LCLAT1: variants seen among roughly 807,000 people sequenced by gnomAD.
LCLAT1 encodes 1-AGP acyltransferase 8.
In LCLAT1, 11 loss-of-function variants were observed where a neutral mutation model predicts 30.7. The ratio of observed to expected loss-of-function variants is 0.36; its 90% CI spans 0.23 to 0.59. The LOEUF is 0.59. Ranked by LOEUF, LCLAT1 falls within the 20% of genes least tolerant of loss-of-function variation. The pLI is 0.77. For synonymous variants in LCLAT1, 155 were observed against 151.3 expected, an observed-to-expected ratio of 1.02 and a Z score of -0.18; for missense variants, 402 against 458.6, an observed-to-expected ratio of 0.88 and a Z score of 1.13.
chr2:30,638,552 A>G (rs751339227), intron 5 of LCLAT1, among the ~76,000 whole-genome samples: 25 of 152,232 alleles, frequency 1.6e-4, no homozygotes, highest in Non-Finnish European at 2.4e-4. Flanking sequence ...TGAAGGTAAC[A>G]TGGTTCAGGA....
chr2:30,630,809 GA>G (rs1274380656), intron 5 of LCLAT1, among the ~76,000 whole-genome samples: 1 of 152,164 alleles, frequency 6.6e-6, no homozygotes, highest in African/African-American at 2.4e-5. Flanking sequence ...AATGTACTTT[GA>G]AATAAAGTAT....
intron 3 of LCLAT1, among the ~76,000 whole-genome samples, chr2:30,541,457 C>G (rs563795161): frequency 6.6e-6 from 1 of 152,026 alleles, no homozygotes; most frequent in African/African-American, 2.4e-5. Flanking sequence ...GTTTATCCCC[C>G]CAAATAGCTA....
chr2:30,589,846 C>T (rs771037613), intron 5 of LCLAT1, among the ~76,000 whole-genome samples: 2 of 152,186 alleles, frequency 1.3e-5, no homozygotes, highest in Non-Finnish European at 2.9e-5. Flanking sequence ...GCTGCTCCTA[C>T]TCATGTCTTT....
chr2:30,563,874 G>A (rs1665353421), intron 4 of LCLAT1, among the ~76,000 whole-genome samples: 1 of 152,184 alleles, frequency 6.6e-6, no homozygotes, highest in Admixed American at 6.5e-5. Flanking sequence ...TTTACTATAG[G>A]TAGCAATGAA....
rs1397585213 is a variant in LCLAT1 at position 30,508,631 on chromosome 2, A to G, written c.-4-16956A>G. Among the ~76,000 whole-genome samples the G allele has an allele frequency of 2.6e-5, 4 of 152,112 alleles. No individual in the cohort carries two copies. In the East Asian group the frequency reaches 7.7e-4, roughly 29 times the overall value. ...TCTATGTGTCTGTTTTTGTACCAGTACCATGCTGTTTTGGTTACTGTAGCC... is the reference window on the plus strand; with the variant it reads ...TCTATGTGTCTGTTTTTGTACCAGTGCCATGCTGTTTTGGTTACTGTAGCC... On this transcript the variant is annotated intron_variant, in intron 1 of 5. Transcript: ENST00000379509.
intron 5 of LCLAT1, among the ~76,000 whole-genome samples, 177 bp from the exon 6 acceptor site, chr2:30,639,940 G>A (rs1669214906): frequency 6.6e-6 from 1 of 152,034 alleles, no homozygotes; most frequent in African/African-American, 2.4e-5. Flanking sequence ...AACTAAAGAT[G>A]ACTGGTAAAT....
chr2:30,613,899 C>T (rs1667865962), intron 5 of LCLAT1, among the ~76,000 whole-genome samples: 1 of 14,438 alleles, frequency 6.9e-5, no homozygotes, highest in Admixed American at 1.1e-3. Flanking sequence ...AGCATACAAT[C>T]GGGTTTTATA....
At chr2:30,593,376 GC>G (rs1404569976) in intron 5 of LCLAT1, among the ~76,000 whole-genome samples, 1 of 152,276 alleles carries the variant, frequency 6.6e-6, no homozygotes, top group African/African-American at 2.4e-5. Flanking sequence ...ACATGAGAGT[GC>G]AGTCATCTCT....
intron 5 of LCLAT1, among the ~76,000 whole-genome samples, chr2:30,630,340 TGTC>T (rs956178110): frequency 6.6e-6 from 1 of 152,248 alleles, no homozygotes; most frequent in African/African-American, 2.4e-5. Context: ...AGGATACAAT[TGTC>T]TATAACAATA....
At chr2:30,560,283 GGTGTGTGTGTGTGTGTGTGTGT>G (rs57326977) in intron 3 of LCLAT1, among the ~76,000 whole-genome samples, 22 of 144,472 alleles carry the variant, frequency 1.5e-4, no homozygotes, top group African/African-American at 4.8e-4. Flanking sequence ...AATAAAGTGT[GGTGTGTGTGTGTGTGTGTGTGT>G]GTGTGTGTGT....
intron 5 of LCLAT1, among the ~76,000 whole-genome samples, chr2:30,622,461 T>C (rs1668308551): frequency 6.6e-6 from 1 of 152,066 alleles, no homozygotes; most frequent in Non-Finnish European, 1.5e-5. Context: ...GCTGATGCTT[T>C]CTGGAAAGTG....
chr2:30,460,478 A>G (rs1682060221), intron 1 of LCLAT1, among the ~76,000 whole-genome samples: 1 of 151,882 alleles, frequency 6.6e-6, no homozygotes, highest in Non-Finnish European at 1.5e-5. Flanking sequence ...CCTGATCTTT[A>G]TGCTTGCGTT....
intron 3 of LCLAT1, among the ~76,000 whole-genome samples, chr2:30,557,258 T>C (rs1023153717): frequency 2.7e-5 from 4 of 150,782 alleles, no homozygotes; most frequent in African/African-American, 9.8e-5. Context: ...ATAAACACAT[T>C]GTAGGACAGT....
At chr2:30,479,407 T>C (rs1285063337) in intron 1 of LCLAT1, among the ~76,000 whole-genome samples, 1 of 152,044 alleles carries the variant, frequency 6.6e-6, no homozygotes, top group African/African-American at 2.4e-5. Context: ...GGAGGATTGC[T>C]CAAGCTATCC....
chr2:30,589,818 G>A (rs928267203), intron 5 of LCLAT1, among the ~76,000 whole-genome samples: 4 of 152,086 alleles, frequency 2.6e-5, no homozygotes, highest in Admixed American at 6.5e-5. Flanking sequence ...CTTTTAGTTC[G>A]TTTTCTTTGG....
At chr2:30,525,807 C>T (rs1037966080) in intron 2 of LCLAT1, 52 bp downstream of exon 2, 5 of 1,496,108 alleles carry the variant, frequency 3.3e-6, no homozygotes, top group Non-Finnish European at 4.6e-6. Context: ...TGCTCCCCAC[C>T]CCTGATAGAT....
chr2:30,519,821 G>C (rs190862332), intron 1 of LCLAT1, among the ~76,000 whole-genome samples: 186 of 152,182 alleles, frequency 1.2e-3, no homozygotes, highest in African/African-American at 4.3e-3. Context: ...GTTAAATCTT[G>C]GAACCACACA....
chr2:30,448,899 G>T (rs1159665911), intron 1 of LCLAT1, among the ~76,000 whole-genome samples: 1 of 152,006 alleles, frequency 6.6e-6, no homozygotes, highest in Non-Finnish European at 1.5e-5. Context: ...TGCACTGTTG[G>T]GAGGAAAAAG....
At chr2:30,544,530 G>A (rs1664307083) in intron 3 of LCLAT1, among the ~76,000 whole-genome samples, 2 of 152,050 alleles carry the variant, frequency 1.3e-5, no homozygotes, top group Non-Finnish European at 2.9e-5. Flanking sequence ...TATGCTGTTA[G>A]TAGCTTCCAG....
Sources: allele counts gnomAD v4.1 joint callset (sites outside exome capture counted in the v4.1 genomes callset), GRCh38; gene constraint gnomAD v4.1.1; transcripts MANE v1.5; gene names NCBI Gene and HGNC (gene_info 2026-07-23, HGNC 2026-07-21).